BRCA2: variants seen among roughly 807,000 people sequenced by gnomAD.
The protein encoded by BRCA2 is BRCA2 DNA repair associated.
Under a neutral mutation model 276.7 loss-of-function variants are expected in BRCA2, and 203 were observed. The observed-to-expected ratio is 0.73, with a 90% CI of 0.65 to 0.82. The LOEUF is 0.82. BRCA2 is among the 40% of genes least tolerant of loss of function. The pLI is 0.00. For missense variants in BRCA2, 3,920 were observed against 3,915.0 expected (o/e 1.00, Z -0.03); for synonymous variants, 1,289 against 1,338.4 (o/e 0.96, Z 0.81).
chr13:32,392,418 G>T (rs2073003125), intron 24 of BRCA2, among the ~76,000 whole-genome samples: 1 of 151,970 alleles, frequency 6.6e-6, no homozygotes, highest in Non-Finnish European at 1.5e-5. Flanking sequence ...AGGCACAGTG[G>T]CTCATGCCTG....
rs772265912 is a variant in BRCA2, at chr13:32,355,044, T to C, written c.7191T>C (p.Ile2397=). The change falls in exon 14 of 27, where the codon ATT becomes ATC. Residue 2397 remains isoleucine, a synonymous_variant. Coordinates refer to ENST00000380152, the MANE Select transcript of BRCA2 (RefSeq NM_000059.4). ...GAAATGAAAAAATGAGACACTTGAT[T>C]ACTACAGGCAGACCAACCAAAGTCT... The part of the protein sequence containing the change: ...ATRNEKMRHL[I]TTGRPTKVFV... 1.2e-6 allele frequency: 2 copies of C among 1,613,974 alleles called. No homozygotes were observed. The highest frequency in any genetic ancestry group is 1.7e-6 in the Non-Finnish European group (2 of 1,179,964).
intron 24 of BRCA2, among the ~76,000 whole-genome samples, chr13:32,393,533 C>A (rs1249085956): frequency 6.6e-6 from 1 of 152,008 alleles, no homozygotes; most frequent in East Asian, 1.9e-4. Flanking sequence ...TTTCAACCAG[C>A]TTTCTTCACT....
At position 32,326,569 on chromosome 13, in the gene BRCA2, G is replaced by T. The variant is rs80358818; in HGVS notation, c.587G>T (p.Ser196Ile). The change falls in exon 7 of 27, where the codon AGT becomes ATT. Residue 196 changes from serine (S) to isoleucine (I), a missense_variant. Ser to Ile is a moderately radical substitution (Grantham distance 142). Around this residue, in one of 2 missense-constraint regions of BRCA2, gnomAD observed 3,263 missense variants for 3,156.9 expected, o/e 1.03. Coordinates refer to ENST00000380152, the MANE Select transcript of BRCA2 (RefSeq NM_000059.4). ...GTGGATCCTGATATGTCTTGGTCAAGTTCTTTAGCTACACCACCCACCCTT... is the reference window on the plus strand; with the variant it reads ...GTGGATCCTGATATGTCTTGGTCAATTTCTTTAGCTACACCACCCACCCTT... ...AEVDPDMSWS[S>I]SLATPPTLSS... The T allele has an allele frequency of 6.8e-6, 11 of 1,613,710 alleles. No individual in the cohort carries two copies. The East Asian group carries it at 2.2e-4, about 33-fold the overall frequency.
At chr13:32,324,456 A>G (rs2072329334) in intron 3 of BRCA2, among the ~76,000 whole-genome samples, 1 of 152,218 alleles carries the variant, frequency 6.6e-6, no homozygotes, top group Non-Finnish European at 1.5e-5. Context: ...TATATTTCTT[A>G]TGTACCCACA....
In BRCA2 at chr13:32,338,394, G is replaced by C. The variant is rs80358653; in HGVS notation, c.4039G>C (p.Val1347Leu). 3.1e-6 allele frequency: 5 copies of C among 1,599,990 alleles called. No homozygotes were observed. The African/African-American group carries it at 6.7e-5, about 22-fold the overall frequency. Residue 1347 changes from valine (V) to leucine (L), a missense_variant, in exon 11 of 27, where the codon GTT becomes CTT. Around this residue, in one of 2 missense-constraint regions of BRCA2, gnomAD observed 3,263 missense variants for 3,156.9 expected, o/e 1.03. Coordinates refer to ENST00000380152, the MANE Select transcript of BRCA2 (RefSeq NM_000059.4). ...DGSDSSKNDTVCIHKDETDLL... is the reference protein window; with the variant it reads ...DGSDSSKNDTLCIHKDETDLL... ...CAGTGATTCAAGTAAAAATGATACT[G>C]TTTGTATTCATAAAGATGAAACGGA...
At chr13:32,347,032 CTTTGG>C in intron 13 of BRCA2, 136 bp downstream of exon 13, 5 of 633,106 alleles carry the variant, frequency 7.9e-6, no homozygotes, top group Non-Finnish European at 1.0e-5. Context: ...TTATAAAATA[CTTTGG>C]TAGTATTTTA....
Position 32,326,629 on chromosome 13 carries a change from G to T in BRCA2, c.631+16G>T. The T allele has an allele frequency of 6.5e-7, 1 of 1,546,016 alleles. No individual in the cohort carries two copies. On this transcript the variant is annotated intron_variant, in intron 7 of 26. Coordinates refer to ENST00000380152, the MANE Select transcript of BRCA2 (RefSeq NM_000059.4). Reference sequence around the variant, plus strand: ...GTGCTCATAGGTAATAATAGCAAATGTGTATTTACAAGAAAGAGCAGATGA... The same window carrying T: ...GTGCTCATAGGTAATAATAGCAAATTTGTATTTACAAGAAAGAGCAGATGA...
intron 24 of BRCA2, among the ~76,000 whole-genome samples, chr13:32,393,490 A>G (rs747700277): frequency 6.6e-6 from 1 of 151,524 alleles, no homozygotes; most frequent in Non-Finnish European, 1.5e-5. Context: ...AGCTTTGACC[A>G]TTAGGAGCTT....
Position 32,336,996 on chromosome 13 carries a change from G to A in BRCA2, c.2641G>A (p.Glu881Lys), listed in dbSNP as rs876658648. ...AATAACTGTCAATCCAGACTCTGAA[G>A]AACTTTTCTCAGACAATGAGAATAA... ...SKITVNPDSE[E>K]LFSDNENNFV... Residue 881 changes from glutamate (E) to lysine (K), a missense_variant, in exon 11 of 27, where the codon GAA (glutamate) becomes AAA (lysine). Around this residue, in one of 2 missense-constraint regions of BRCA2, gnomAD observed 3,263 missense variants for 3,156.9 expected, o/e 1.03. Transcript: ENST00000380152. 6.3e-7 allele frequency: 1 copy of A among 1,587,332 alleles called. No individual in the cohort carries two copies. Among genetic ancestry groups the A allele is most frequent in the South Asian group, 1.2e-5 (1 of 85,058 alleles).
chr13:32,327,768 A>ATTT (rs113733140), intron 7 of BRCA2, among the ~76,000 whole-genome samples: 1 of 144,218 alleles, frequency 6.9e-6, no homozygotes, highest in Non-Finnish European at 1.5e-5. Context: ...AGTTGTGACT[A>ATTT]TTTTTTTTTT....
At position 32,338,575 on chromosome 13, in the gene BRCA2, A is replaced by G. The variant is rs1593901726; in HGVS notation, c.4220A>G (p.Glu1407Gly). 3 of 1,595,950 alleles carry G rather than the reference A, an allele frequency of 1.9e-6. No homozygotes were observed. The highest frequency in any genetic ancestry group is 2.6e-6 in the Non-Finnish European group (3 of 1,171,562). The part of the protein sequence containing the change: ...EACHGNTSNK[E>G]QLTATKTEQN... ...TGTCATGGTAATACTTCAAATAAAG[A>G]ACAGTTAACTGCTACTAAAACGGAG... Residue 1407 changes from glutamate to glycine, a missense_variant, in exon 11 of 27, where the codon GAA (glutamate) becomes GGA (glycine). By Grantham distance (98) the Glu-to-Gly change is moderately conservative. This residue lies in a region of BRCA2 where 3,263 missense variants were observed against 3,156.9 expected (regional missense o/e 1.03). Coordinates refer to ENST00000380152, the MANE Select transcript of BRCA2 (RefSeq NM_000059.4).
In BRCA2 at chr13:32,332,759, C is replaced by G. The variant is rs772430226; in HGVS notation, c.1281C>G (p.Asp427Glu). ...GTGACCAAAATATTTCAGAAAAAGACCTATTAGACACAGAGAACAAAAGAA... is the reference window on the plus strand; with the variant it reads ...GTGACCAAAATATTTCAGAAAAAGAGCTATTAGACACAGAGAACAAAAGAA... ...SSCDQNISEK[D>E]LLDTENKRKK... Residue 427 changes from aspartate (D) to glutamate (E), a missense_variant, in exon 10 of 27, where the codon GAC (aspartate) becomes GAG (glutamate). Asp to Glu is a conservative substitution (Grantham distance 45, BLOSUM62 2). This residue lies in a region of BRCA2 where 3,263 missense variants were observed against 3,156.9 expected (regional missense o/e 1.03). Transcript: ENST00000380152. 16 of 1,608,006 alleles carry G rather than the reference C, an allele frequency of 1.0e-5. No homozygotes were observed. The South Asian group carries it at 1.8e-4, about 18-fold the overall frequency.
In BRCA2 at chr13:32,338,692, T is replaced by C. The variant is rs1555283730; in HGVS notation, c.4337T>C (p.Ile1446Thr). 6.3e-7 allele frequency: 1 copy of C among 1,591,958 alleles called. No homozygotes were observed. The highest frequency in any genetic ancestry group is 8.6e-7 in the Non-Finnish European group (1 of 1,166,966). Reference protein sequence around the residue: ...ISVAKESFNKIVNFFDQKPEE... With the variant: ...ISVAKESFNKTVNFFDQKPEE... ...GTCGCCAAAGAGTCATTTAATAAAA[T>C]TGTAAATTTCTTTGATCAGAAACCA... The change falls in exon 11 of 27, where the codon ATT becomes ACT. Residue 1446 changes from isoleucine (I) to threonine (T), a missense_variant. Coordinates refer to ENST00000380152, the MANE Select transcript of BRCA2 (RefSeq NM_000059.4).
In BRCA2 at chr13:32,339,668, T is replaced by C. The variant is rs1566232193; in HGVS notation, c.5313T>C (p.Gly1771=). 2 of 1,612,492 alleles carry C rather than the reference T, an allele frequency of 1.2e-6. No homozygotes were observed. Among genetic ancestry groups the C allele is most frequent in the Non-Finnish European group, 1.7e-6 (2 of 1,178,750 alleles). The change falls in exon 11 of 27, where the codon GGT becomes GGC. Residue 1771 remains glycine (G), a synonymous_variant. Transcript: ENST00000380152. ...TCTCAAAAAATAAACTTGATTCTGG[T>C]ATTGAGCCAGTATTGAAGAATGTTG... ...GYLSKNKLDS[G]IEPVLKNVED...
chr13:32,381,012 G>C (rs1221868774), intron 24 of BRCA2, among the ~76,000 whole-genome samples: 4 of 151,964 alleles, frequency 2.6e-5, no homozygotes, highest in South Asian at 2.1e-4. Flanking sequence ...TTTGTGTTTG[G>C]TGAGTTATGT....
chr13:32,394,546 T>A lies in BRCA2; in HGVS notation c.9257-143T>A, dbSNP rs80220521. The stretch of plus-strand genomic sequence containing the variant: ...ACAGGTCATTTTGGAAAACCTGAGC[T>A]TTCGCCAAATTCAGCTATTTTGATT... On this transcript the variant is annotated intron_variant, in intron 24 of 26. Transcript: ENST00000380152. The A allele has an allele frequency of 1.2e-3, 1,296 of 1,083,702 alleles. 5 individuals carry two copies. In the African/African-American group the frequency reaches 0.018, roughly 15 times the overall value. 67.1% of individuals were successfully genotyped at this position (1,083,702 alleles called of 1,614,324 possible).
At chr13:32,365,039 A>C (rs957799780) in intron 18 of BRCA2, among the ~76,000 whole-genome samples, 1 of 151,024 alleles carries the variant, frequency 6.6e-6, no homozygotes, top group Non-Finnish European at 1.5e-5. Context: ...AGGTTGAAAT[A>C]ATTTCTTCAG....
chr13:32,370,193 A>G (rs1327400142), intron 18 of BRCA2, among the ~76,000 whole-genome samples: 1 of 152,242 alleles, frequency 6.6e-6, no homozygotes, highest in African/African-American at 2.4e-5. Context: ...GTAGCAGTAT[A>G]AACAATATGT....
intron 20 of BRCA2, among the ~76,000 whole-genome samples, chr13:32,374,741 C>T (rs575241324): frequency 2.0e-5 from 3 of 152,296 alleles, no homozygotes; most frequent in Non-Finnish European, 2.9e-5. Flanking sequence ...CTAGGGAGTT[C>T]CAGACTTTCC....
Sources: allele counts gnomAD v4.1 joint callset (sites outside exome capture counted in the v4.1 genomes callset), GRCh38; gene constraint gnomAD v4.1.1; regional missense constraint gnomAD v4.1.1; transcripts MANE v1.5; gene names NCBI Gene and HGNC (gene_info 2026-07-23, HGNC 2026-07-21).